PCDH15: variants seen among roughly 807,000 people sequenced by gnomAD.
The protein encoded by PCDH15 is protocadherin related 15.
Under a neutral mutation model 178.5 loss-of-function variants are expected in PCDH15, and 129 were observed. The observed-to-expected ratio is 0.72, with a 90% CI of 0.63 to 0.84. The LOEUF is 0.84. Among genes scored for constraint, PCDH15 ranks in the 40% least tolerant of loss-of-function variants. The probability of loss-of-function intolerance (pLI) is 0.00; values close to 1 mark genes in which losing one functional copy is unlikely to be tolerated. For synonymous variants in PCDH15, 800 were observed against 732.0 expected (o/e 1.09, Z -1.50); for missense variants, 2,230 against 2,099.9 (o/e 1.06, Z -1.21).
At chr10:54,692,219 A>G (rs564175719) in intron 1 of PCDH15, among the ~76,000 whole-genome samples, 5 of 152,266 alleles carry the variant, frequency 3.3e-5, no homozygotes, top group Non-Finnish European at 7.4e-5. Context: ...AACTTTTAAG[A>G]AGATATATTT....
rs138459806 is a variant in PCDH15, at chr10:54,628,237, C to T, written c.91+35935G>A. ...TAAACACACAACATCCACTGAGTTACCATGCACGAGAAGAAGCAGGAAGAT... is the reference window on the plus strand; with the variant it reads ...TAAACACACAACATCCACTGAGTTATCATGCACGAGAAGAAGCAGGAAGAT... On this transcript the variant is annotated intron_variant, in intron 2 of 37. Coordinates refer to ENST00000644397, the MANE Select transcript of PCDH15 (RefSeq NM_001384140.1). Among the ~76,000 whole-genome samples, 750 of 152,284 alleles carry T rather than the reference C, an allele frequency of 4.9e-3. 4 individuals carry two copies. The highest frequency in any genetic ancestry group is 0.038 in the South Asian group (182 of 4,818).
At chr10:55,022,711 CT>C (rs201891944) in intron 2 of PCDH15, among the ~76,000 whole-genome samples, 51,586 of 113,114 alleles carry the variant, frequency 0.46, 8,780 homozygotes, top group East Asian at 0.63. Context: ...TTTTCTTTTT[CT>C]TTTTTTTTTT....
chr10:53,811,444 C>T (rs937975718), intron 36 of PCDH15, 105 bp downstream of exon 36: 39 of 669,304 alleles, frequency 5.8e-5, no homozygotes, highest in Admixed American at 1.4e-4. Flanking sequence ...CTAGTGAGAT[C>T]GACATGACAT....
intron 2 of PCDH15, among the ~76,000 whole-genome samples, chr10:55,589,840 T>C (rs1280263395): frequency 4.7e-5 from 7 of 150,468 alleles, no homozygotes; most frequent in Non-Finnish European, 8.9e-5. Context: ...TGTGGGGAAA[T>C]AGGAACACTT....
chr10:54,758,775 T>C (rs1947495934), intron 1 of PCDH15, among the ~76,000 whole-genome samples: 1 of 152,218 alleles, frequency 6.6e-6, no homozygotes, highest in African/African-American at 2.4e-5. Flanking sequence ...CTCTTTTCAA[T>C]GAATTAACAT....
At position 54,964,391 on chromosome 10, in the gene PCDH15, T is replaced by C. The variant is rs184276843; in HGVS notation, c.-79-66891A>G. Among the ~76,000 whole-genome samples, 265 of 152,308 alleles carry C rather than the reference T, an allele frequency of 1.7e-3. 1 individual carries two copies. Among genetic ancestry groups the C allele is most frequent in the African/African-American group, 6.0e-3 (250 of 41,582 alleles). ...ACTTAGAAAGTAGCAGTGACTTTAA[T>C]CACTTTTCATATAATTATCCTTACT... On this transcript the variant is annotated intron_variant, in intron 2 of 5. Transcript: ENST00000458638.
At chr10:54,669,969 G>C (rs759235660) in intron 1 of PCDH15, among the ~76,000 whole-genome samples, 1 of 151,864 alleles carries the variant, frequency 6.6e-6, no homozygotes, top group South Asian at 2.1e-4. Context: ...TAGAAGAATC[G>C]CTTGAACCCA....
chr10:55,016,098 TAAAAAAAAA>T (rs199893494), intron 2 of PCDH15, among the ~76,000 whole-genome samples: 1 of 115,610 alleles, frequency 8.6e-6, no homozygotes, highest in Non-Finnish European at 1.7e-5. Flanking sequence ...CTTTTTTTTT[TAAAAAAAAA>T]AAAAAAAAAA....
At chr10:54,400,199 T>C (rs1951760525) in intron 3 of PCDH15, among the ~76,000 whole-genome samples, 1 of 152,078 alleles carries the variant, frequency 6.6e-6, no homozygotes, top group Non-Finnish European at 1.5e-5. Context: ...ATTAGCACAT[T>C]AGCAAAATTA....
intron 3 of PCDH15, among the ~76,000 whole-genome samples, chr10:54,881,613 G>T (rs538937481): frequency 2.0e-4 from 30 of 152,110 alleles, no homozygotes; most frequent in African/African-American, 7.2e-4. Context: ...TGCTAAGTGG[G>T]ACATCACAAT....
chr10:54,055,110 AT>A (rs1031177258), intron 18 of PCDH15, among the ~76,000 whole-genome samples: 3 of 152,082 alleles, frequency 2.0e-5, no homozygotes, highest in African/African-American at 7.2e-5. Context: ...AGGAAACATC[AT>A]TTTTTTAATG....
At chr10:54,705,474 T>C (rs889423032) in intron 1 of PCDH15, among the ~76,000 whole-genome samples, 10 of 152,182 alleles carry the variant, frequency 6.6e-5, no homozygotes, top group African/African-American at 1.4e-4. Flanking sequence ...TTGTGCAGTT[T>C]ATCTCATCTC....
At chr10:53,890,090 G>C (rs10825152) in intron 26 of PCDH15, among the ~76,000 whole-genome samples, 3 of 151,966 alleles carry the variant, frequency 2.0e-5, no homozygotes, top group Non-Finnish European at 4.4e-5. Flanking sequence ...TGCATATGCA[G>C]GTTGCATTAT....
chr10:53,822,845 T>G lies in PCDH15; in HGVS notation c.4368-2615A>C, dbSNP rs1588936896. The G allele has an allele frequency of 2.5e-6, 4 of 1,614,118 alleles. No individual in the cohort carries two copies. The highest frequency in any genetic ancestry group is 3.4e-6 in the Non-Finnish European group (4 of 1,179,962). The stretch of plus-strand genomic sequence containing the variant: ...TCTCTGTCAAATTTGCCTCTTCAGT[T>G]GTAAGCAATGGATTGCTGCTACCTC... On this transcript the variant is annotated intron_variant, in intron 32 of 37. Coordinates refer to ENST00000644397, the MANE Select transcript of PCDH15 (RefSeq NM_001384140.1).
At chr10:53,858,842 T>C (rs2078924131) in intron 27 of PCDH15, among the ~76,000 whole-genome samples, 1 of 152,200 alleles carries the variant, frequency 6.6e-6, no homozygotes, top group African/African-American at 2.4e-5. Context: ...TGTATCACTT[T>C]GTCTTTTCTT....
chr10:54,944,036 A>G (rs186477413), intron 2 of PCDH15, among the ~76,000 whole-genome samples: 227 of 152,034 alleles, frequency 1.5e-3, no homozygotes, highest in African/African-American at 5.4e-3. Flanking sequence ...ATTTCTGTCT[A>G]AATTTCTAAG....
intron 37 of PCDH15, chr10:53,809,327 C>G (rs1391330226): frequency 6.2e-7 from 1 of 1,613,200 alleles, no homozygotes; most frequent in African/African-American, 1.3e-5. Context: ...TCTTCTTCCT[C>G]AAGGCGTCTC....
chr10:54,775,857 G>A (rs1295046902), intron 1 of PCDH15, among the ~76,000 whole-genome samples: 1 of 152,142 alleles, frequency 6.6e-6, no homozygotes, highest in Non-Finnish European at 1.5e-5. Flanking sequence ...CTGCACTCCA[G>A]CCTGGGCGAC....
At chr10:54,272,968 A>G (rs1463475069) in intron 8 of PCDH15, among the ~76,000 whole-genome samples, 1 of 152,166 alleles carries the variant, frequency 6.6e-6, no homozygotes, top group Non-Finnish European at 1.5e-5. Context: ...TGATTATCAG[A>G]GTATAATGTG....
Sources: gnomAD v4.1 joint callset for allele counts (sites outside exome capture counted in the v4.1 genomes callset) on GRCh38, gnomAD v4.1.1 for gene constraint, MANE v1.5 for transcripts, NCBI Gene and HGNC (gene_info 2026-07-23, HGNC 2026-07-21) for gene names.